The following ZNF280D variants were observed in gnomAD, a reference collection of about 807,000 sequenced individuals.
The protein encoded by ZNF280D is zinc finger protein 280D.
Under a neutral mutation model 94.7 loss-of-function variants are expected in ZNF280D, and 39 were observed. The observed-to-expected ratio is 0.41, with a 90% CI of 0.32 to 0.54. The LOEUF (loss-of-function observed/expected upper bound fraction) is 0.54. Ranked by LOEUF, ZNF280D falls within the 20% of genes least tolerant of loss-of-function variation. The pLI, the probability that ZNF280D is intolerant of heterozygous loss-of-function variation, is 0.22. For missense variants in ZNF280D, 1,090 were observed against 1,149.3 expected (o/e 0.95, Z 0.75); for synonymous variants, 398 against 377.6 (o/e 1.05, Z -0.63).
chr15:56,703,542 AAAG>A (rs764134410), intron 4 of ZNF280D, among the ~76,000 whole-genome samples: 32 of 152,192 alleles, frequency 2.1e-4, no homozygotes, highest in Non-Finnish European at 4.0e-4. Flanking sequence ...GAAAAATGAA[AAAG>A]AATAAACAGA....
At chr15:56,711,794 G>A (rs1167836242) in intron 1 of ZNF280D, among the ~76,000 whole-genome samples, 4 of 152,170 alleles carry the variant, frequency 2.6e-5, no homozygotes, top group African/African-American at 9.7e-5. Context: ...TCTGACAAAT[G>A]TATCATTAGA....
Position 56,704,302 on chromosome 15 carries a change from T to A in ZNF280D, c.29-35A>T. The stretch of plus-strand genomic sequence containing the variant: ...AAAAGGAGAGAAGTAAACCTCATTT[T>A]TGAAAATAAAAATAAAAACATTTTT... On this transcript the variant is annotated intron_variant, in intron 3 of 21. Coordinates refer to ENST00000267807, the MANE Select transcript of ZNF280D (RefSeq NM_017661.4). The A allele has an allele frequency of 1.9e-6, 3 of 1,563,584 alleles. No individual in the cohort carries two copies. The South Asian group carries it at 3.6e-5, about 19-fold the overall frequency.
intron 16 of ZNF280D, among the ~76,000 whole-genome samples, chr15:56,660,892 A>C (rs2053894756): frequency 6.6e-6 from 1 of 152,130 alleles, no homozygotes; most frequent in Non-Finnish European, 1.5e-5. Flanking sequence ...CAATTTCCTT[A>C]AAAATTTTAA....
chr15:56,716,325 T>C (rs1037369113), intron 1 of ZNF280D, among the ~76,000 whole-genome samples: 4 of 151,956 alleles, frequency 2.6e-5, no homozygotes, highest in Non-Finnish European at 5.9e-5. Context: ...ATAATCAAAA[T>C]TGGCTTTGCT....
intron 18 of ZNF280D, 26 bp downstream of exon 18, chr15:56,654,359 A>G (rs1299791074): frequency 6.3e-7 from 1 of 1,596,892 alleles, no homozygotes; most frequent in Non-Finnish European, 8.5e-7. Context: ...TCAAAAATCT[A>G]AAGTAGCACA....
intron 13 of ZNF280D, among the ~76,000 whole-genome samples, chr15:56,675,148 C>T (rs1404312883): frequency 2.6e-5 from 4 of 151,990 alleles, no homozygotes; most frequent in South Asian, 2.1e-4. Context: ...CAAGTTAAAA[C>T]ATACAACTCA....
intron 19 of ZNF280D, chr15:56,653,065 GAATT>G (rs2053304118): frequency 3.1e-6 from 3 of 979,142 alleles, no homozygotes; most frequent in Non-Finnish European, 3.6e-6. Flanking sequence ...AAAAATTACA[GAATT>G]AATACTGGTT....
chr15:56,646,296 T>C (rs2052889040), intron 19 of ZNF280D, among the ~76,000 whole-genome samples: 1 of 152,036 alleles, frequency 6.6e-6, no homozygotes, highest in African/African-American at 2.4e-5. Flanking sequence ...GACATGGTTG[T>C]ACATACCTGA....
chr15:56,730,790 G>T (rs2058844261), intron 1 of ZNF280D, among the ~76,000 whole-genome samples: 1 of 152,044 alleles, frequency 6.6e-6, no homozygotes, highest in Non-Finnish European at 1.5e-5. Flanking sequence ...AACTTCCAAA[G>T]CCATACCTAA....
intron 1 of ZNF280D, among the ~76,000 whole-genome samples, chr15:56,727,096 G>C (rs1158331438): frequency 6.6e-6 from 1 of 152,230 alleles, no homozygotes; most frequent in African/African-American, 2.4e-5. Flanking sequence ...GGTTATTTTA[G>C]TAAAATTTGT....
chr15:56,675,127 G>T (rs766336524), intron 13 of ZNF280D, among the ~76,000 whole-genome samples: 4 of 151,892 alleles, frequency 2.6e-5, no homozygotes, highest in Non-Finnish European at 4.4e-5. Flanking sequence ...AAAGAAAATT[G>T]GCAGCCATGG....
intron 4 of ZNF280D, 74 bp from the exon 5 acceptor site, chr15:56,701,312 T>C (rs1462514700): frequency 2.8e-6 from 3 of 1,074,960 alleles, no homozygotes; most frequent in African/African-American, 1.6e-5. Flanking sequence ...AAATCATGAA[T>C]TGAAAACATT....
chr15:56,701,618 C>T (rs1266393664), intron 4 of ZNF280D, among the ~76,000 whole-genome samples: 1 of 152,074 alleles, frequency 6.6e-6, no homozygotes, highest in Non-Finnish European at 1.5e-5. Flanking sequence ...GTATATCTTT[C>T]TTTGCATGAT....
chr15:56,650,675 C>A (rs1029634932), intron 19 of ZNF280D, among the ~76,000 whole-genome samples: 2 of 152,164 alleles, frequency 1.3e-5, no homozygotes, highest in Non-Finnish European at 2.9e-5. Flanking sequence ...CTTACACTCT[C>A]AAGATCTGTT....
At chr15:56,688,098 C>T (rs1272419200) in intron 9 of ZNF280D, among the ~76,000 whole-genome samples, 2 of 152,052 alleles carry the variant, frequency 1.3e-5, no homozygotes, top group Non-Finnish European at 2.9e-5. Flanking sequence ...ACCATCTCTA[C>T]ACAAACACAG....
At chr15:56,714,317 T>A (rs879648652) in intron 1 of ZNF280D, among the ~76,000 whole-genome samples, 1 of 152,100 alleles carries the variant, frequency 6.6e-6, no homozygotes, top group Non-Finnish European at 1.5e-5. Context: ...AGAAGATAAA[T>A]CTCACCCAAT....
intron 16 of ZNF280D, among the ~76,000 whole-genome samples, chr15:56,659,175 TAAAAAAAAAAAA>T (rs35057161): frequency 1.1e-5 from 1 of 93,210 alleles, no homozygotes; most frequent in Non-Finnish European, 2.0e-5. Context: ...TGTTTTTTAT[TAAAAAAAAAAAA>T]AAAAAAAAAA....
chr15:56,694,056 C>T (rs906188847), intron 6 of ZNF280D, among the ~76,000 whole-genome samples: 10 of 151,822 alleles, frequency 6.6e-5, no homozygotes, highest in Non-Finnish European at 1.3e-4. Context: ...CTGGAGGCCT[C>T]GGGACTCAAA....
At chr15:56,666,568 T>C (rs2140855500) in intron 15 of ZNF280D, 33 bp from the exon 16 acceptor site, 1 of 1,547,510 alleles carries the variant, frequency 6.5e-7, no homozygotes, top group African/African-American at 1.4e-5. Context: ...GATAAAAATA[T>C]ATTTTAAAAC....
Sources: gnomAD v4.1 joint callset for allele counts (sites outside exome capture counted in the v4.1 genomes callset) on GRCh38, gnomAD v4.1.1 for gene constraint, MANE v1.5 for transcripts, NCBI Gene and HGNC (gene_info 2026-07-23, HGNC 2026-07-21) for gene names.